Variants in RHBDD1 observed in about 807,000 individuals in gnomAD.
RHBDD1 encodes the protein rhomboid domain containing 1.
In RHBDD1, 38 loss-of-function variants were observed where a neutral mutation model predicts 36.3. That is an observed-to-expected ratio of 1.05 (90% CI 0.81 to 1.37). The LOEUF (loss-of-function observed/expected upper bound fraction) is 1.37. Among genes scored for constraint, RHBDD1 ranks in the 40% most tolerant of loss-of-function variants. The probability of loss-of-function intolerance (pLI) is 0.00; values close to 1 mark genes in which losing one functional copy is unlikely to be tolerated. For synonymous variants in RHBDD1, 151 were observed against 136.5 expected (o/e 1.11, Z -0.74); for missense variants, 393 against 377.6 (o/e 1.04, Z -0.34).
At chr2:226,957,577 AAAAG>A (rs1056865465) in intron 8 of RHBDD1, among the ~76,000 whole-genome samples, 10 of 152,200 alleles carry the variant, frequency 6.6e-5, no homozygotes, top group East Asian at 3.9e-4. Context: ...ACCCAAAAAA[AAAAG>A]AAGAAGGAAA....
At chr2:226,940,978 G>A (rs561689943) in intron 8 of RHBDD1, among the ~76,000 whole-genome samples, 2 of 150,172 alleles carry the variant, frequency 1.3e-5, no homozygotes, top group African/African-American at 2.5e-5. Context: ...ATGGAATCTC[G>A]CTCTATTGCC....
chr2:226,867,793 A>C (rs1412785862), intron 5 of RHBDD1: 4 of 376,104 alleles, frequency 1.1e-5, no homozygotes, highest in Non-Finnish European at 1.5e-5. Context: ...ATCTCAGCTC[A>C]CTGCAACCTC....
chr2:226,918,933 AGT>A (rs1359087692), intron 8 of RHBDD1, among the ~76,000 whole-genome samples: 5 of 152,088 alleles, frequency 3.3e-5, no homozygotes, highest in Non-Finnish European at 5.9e-5. Flanking sequence ...TCACACCAAA[AGT>A]GTACAAGGGT....
chr2:226,924,453 A>G (rs1455124211), intron 8 of RHBDD1, among the ~76,000 whole-genome samples: 1 of 152,230 alleles, frequency 6.6e-6, no homozygotes, highest in South Asian at 2.1e-4. Flanking sequence ...TCTCTTCCAG[A>G]GCTGCGAGTT....
At chr2:226,851,421 T>C (rs1421091891) in intron 3 of RHBDD1, among the ~76,000 whole-genome samples, 1 of 151,960 alleles carries the variant, frequency 6.6e-6, no homozygotes, top group Non-Finnish European at 1.5e-5. Flanking sequence ...AAACCAGTTG[T>C]TCAGGAGGTT....
At chr2:226,890,553 T>G (rs1193412912) in intron 5 of RHBDD1, among the ~76,000 whole-genome samples, 1 of 152,170 alleles carries the variant, frequency 6.6e-6, no homozygotes, top group Non-Finnish European at 1.5e-5. Context: ...AGCCAAATGC[T>G]CTTTGAGAGA....
chr2:226,802,154 T>C, the RHBDD1 span, among the ~76,000 whole-genome samples: 5 of 152,234 alleles, frequency 3.3e-5, no homozygotes, highest in African/African-American at 1.2e-4. Flanking sequence ...GGAAGGATTT[T>C]GATCATAAAA....
rs184384189 is a variant in RHBDD1, at chr2:226,915,884, G to A, written c.856+1533G>A. Among the ~76,000 whole-genome samples, 75 of 152,296 alleles carry A rather than the reference G, an allele frequency of 4.9e-4. 1 individual carries two copies. The South Asian group carries it at 8.3e-3, about 17-fold the overall frequency. ...ATTAAAACAGTAAACATTTGTTCTTGCTCATGAGTATGTGAAGCAGCTGGG... is the reference window on the plus strand; with the variant it reads ...ATTAAAACAGTAAACATTTGTTCTTACTCATGAGTATGTGAAGCAGCTGGG... On this transcript the variant is annotated intron_variant, in intron 8 of 8. Coordinates refer to ENST00000392062, the MANE Select transcript of RHBDD1 (RefSeq NM_001167608.3).
intron 3 of RHBDD1, among the ~76,000 whole-genome samples, chr2:226,843,597 A>T (rs1006543903): frequency 6.6e-6 from 1 of 152,172 alleles, no homozygotes; most frequent in African/African-American, 2.4e-5. Flanking sequence ...TGTTGAACCA[A>T]CCTGGCACCC....
intron 3 of RHBDD1, among the ~76,000 whole-genome samples, chr2:226,840,614 CCCAAGG>C (rs1391820445): frequency 2.0e-5 from 3 of 152,134 alleles, no homozygotes; most frequent in Non-Finnish European, 4.4e-5. Context: ...GTATGATTTG[CCCAAGG>C]CCACATACTA....
chr2:226,892,094 G>A (rs1946736952), intron 5 of RHBDD1, among the ~76,000 whole-genome samples: 2 of 152,194 alleles, frequency 1.3e-5, no homozygotes, highest in Non-Finnish European at 2.9e-5. Context: ...GTTCACAAAT[G>A]TTCAGCCTAG....
chr2:226,940,566 G>A (rs1253274036), intron 8 of RHBDD1, among the ~76,000 whole-genome samples: 3 of 151,954 alleles, frequency 2.0e-5, no homozygotes, highest in African/African-American at 7.3e-5. Flanking sequence ...ATGATTATAT[G>A]CCCACAATTA....
chr2:226,977,015 C>G (rs1954714857), intron 8 of RHBDD1, among the ~76,000 whole-genome samples: 1 of 152,198 alleles, frequency 6.6e-6, no homozygotes, highest in Non-Finnish European at 1.5e-5. Context: ...TCCTGGTTTA[C>G]CCTTCAGGCT....
At chr2:226,852,190 T>A (rs1158743560) in intron 3 of RHBDD1, among the ~76,000 whole-genome samples, 2 of 152,246 alleles carry the variant, frequency 1.3e-5, no homozygotes, top group Non-Finnish European at 2.9e-5. Context: ...TTGTATTTAT[T>A]GCCTTGGACC....
At chr2:226,900,784 C>A (rs1947521936) in intron 5 of RHBDD1, among the ~76,000 whole-genome samples, 1 of 152,092 alleles carries the variant, frequency 6.6e-6, no homozygotes, top group Admixed American at 6.5e-5. Context: ...ATAATGTGAT[C>A]TTTTGTTGTA....
the RHBDD1 span, among the ~76,000 whole-genome samples, chr2:226,829,976 G>GT: frequency 1.2e-3 from 176 of 146,064 alleles, no homozygotes; most frequent in South Asian, 1.5e-3. Context: ...TTGACTGTAG[G>GT]TTTTTTTTTT....
At chr2:226,944,432 G>A (rs1297483208) in intron 8 of RHBDD1, among the ~76,000 whole-genome samples, 1 of 152,158 alleles carries the variant, frequency 6.6e-6, no homozygotes, top group Non-Finnish European at 1.5e-5. Flanking sequence ...GAGTTAATAA[G>A]CAATTAGGAC....
chr2:226,870,568 C>A (rs1944717371), intron 5 of RHBDD1, among the ~76,000 whole-genome samples: 1 of 152,138 alleles, frequency 6.6e-6, no homozygotes, highest in African/African-American at 2.4e-5. Context: ...GACCCCTGAA[C>A]AACTTGGGGG....
chr2:226,965,767 T>C lies in RHBDD1; in HGVS notation c.857-29664T>C, dbSNP rs138493834. 5.0e-3 allele frequency among the ~76,000 whole-genome samples: 768 copies of C among 152,188 alleles called. 5 individuals are homozygous for C. The highest frequency in any genetic ancestry group is 0.018 in the African/African-American group (732 of 41,512). ...CTGGAGCCCTGTTGACTTTTAGGGA[T>C]GGCACCATGTTTGAGAGGCTACAGA... is the stretch of plus-strand genomic sequence containing the variant. On this transcript the variant is annotated intron_variant, in intron 8 of 8. Transcript: ENST00000392062.
Sources: gnomAD v4.1 joint callset for allele counts (sites outside exome capture counted in the v4.1 genomes callset) on GRCh38, gnomAD v4.1.1 for gene constraint, MANE v1.5 for transcripts, NCBI Gene and HGNC (gene_info 2026-07-23, HGNC 2026-07-21) for gene names.